DNAJC16: variants seen among roughly 807,000 people sequenced by gnomAD.
DNAJC16 encodes the protein DnaJ heat shock protein family (Hsp40) member C16.
In DNAJC16, 76 loss-of-function variants were observed where a neutral mutation model predicts 92.7. The observed-to-expected ratio is 0.82, with a 90% CI of 0.68 to 0.99. The LOEUF (loss-of-function observed/expected upper bound fraction) is 0.99, where lower values mean the gene tolerates loss of function less well. Ranked by LOEUF, DNAJC16 falls within the 50% of genes least tolerant of loss-of-function variation. DNAJC16 has a pLI of 0.00. For synonymous variants in DNAJC16, 328 were observed against 358.7 expected (o/e 0.91, Z 0.97); for missense variants, 869 against 942.4 (o/e 0.92, Z 1.02).
At position 15,564,036 on chromosome 1, in the gene DNAJC16, C is replaced by T. The variant is rs549078557; in HGVS notation, c.1446C>T (p.Leu482=). The change falls in exon 10 of 15, where the codon CTC becomes CTT. Residue 482 remains leucine (L), a synonymous_variant. Transcript: ENST00000375847. ...ACAAATTTATCCTCTTGGGCTATCT[C>T]GACCAGCTGCGTAAAGATCCAGCTC... ...ESDKFILLGY[L]DQLRKDPALL... is the part of the protein sequence containing the mutation. 30 of 1,613,674 alleles carry T rather than the reference C, an allele frequency of 1.9e-5. No individual in the cohort carries two copies. Among genetic ancestry groups the T allele is most frequent in the Non-Finnish European group, 2.4e-5 (28 of 1,179,678 alleles).
intron 2 of DNAJC16, among the ~76,000 whole-genome samples, chr1:15,530,935 A>T (rs563776550): frequency 1.3e-5 from 2 of 152,222 alleles, no homozygotes; most frequent in East Asian, 3.9e-4. Context: ...TGATCCGTCC[A>T]CCTCGGCCTC....
Position 15,564,433 on chromosome 1 carries a change from T to A in DNAJC16, c.1598+74T>A, listed in dbSNP as rs1440085148. The A allele has an allele frequency of 1.0e-5, 10 of 991,624 alleles. No individual in the cohort carries two copies. The African/African-American group carries it at 1.6e-4, about 16-fold the overall frequency. 61.4% of individuals were successfully genotyped at this position (991,624 alleles called of 1,614,324 possible). ...TCACTGTTTTTCTTTTGAAAAGAGT[T>A]CATCATTATTAAATTTCAAGGTACA... On this transcript the variant is annotated intron_variant, in intron 11 of 14. Transcript: ENST00000375847.
At chr1:15,562,114 T>C in intron 8 of DNAJC16, 28 bp from the exon 9 acceptor site, 3 of 1,603,444 alleles carry the variant, frequency 1.9e-6, no homozygotes, top group Non-Finnish European at 2.6e-6. Context: ...AGGGATTGGT[T>C]ATAAAGTTTT....
At chr1:15,539,069 G>GT (rs1710864318) in intron 4 of DNAJC16, among the ~76,000 whole-genome samples, 1 of 152,100 alleles carries the variant, frequency 6.6e-6, no homozygotes. Flanking sequence ...AGTGAGAGCT[G>GT]TTTGGCATCT....
chr1:15,568,368 GC>G lies in DNAJC16; in HGVS notation c.*193del. The G allele has an allele frequency of 1.8e-6, 1 of 558,112 alleles. No individual in the cohort carries two copies. The highest frequency in any genetic ancestry group is 2.8e-5 in the South Asian group (1 of 35,636). 34.6% of individuals were successfully genotyped at this position (558,112 alleles called of 1,614,324 possible). On this transcript the variant is annotated 3_prime_UTR_variant, in exon 15 of 15. Transcript: ENST00000375847. ...ATGAAAAACACCACCAGTTTGAATC[GC>G]CTAGATGAAAATCTTTTCCTCTGGG...
Position 15,567,784 on chromosome 1 carries a change from C to G in DNAJC16, c.1956C>G (p.Ser652Arg). 1.9e-6 allele frequency: 3 copies of G among 1,612,426 alleles called. No homozygotes were observed. The highest frequency in any genetic ancestry group is 2.5e-6 in the Non-Finnish European group (3 of 1,179,000). ...AATTCTCTTCTTCCTACAGGAGCAG[C>G]TGCCTACACTTCTCCTTCCTGAGTC... Reference protein sequence around the residue: ...ALEVYTFTGSSCLHFSFLSLD... With the variant: ...ALEVYTFTGSRCLHFSFLSLD... The change falls in exon 15 of 15, where the codon AGC (serine) becomes AGG (arginine). Residue 652 changes from serine (S) to arginine (R), a missense_variant. Transcript: ENST00000375847.
chr1:15,538,427 C>A (rs1469564809), intron 4 of DNAJC16, among the ~76,000 whole-genome samples: 1 of 151,172 alleles, frequency 6.6e-6, no homozygotes, highest in East Asian at 2.0e-4. Context: ...AAAAGGAAGA[C>A]TAATTCCTGG....
chr1:15,550,758 C>T (rs1638424790), intron 7 of DNAJC16, among the ~76,000 whole-genome samples: 1 of 152,322 alleles, frequency 6.6e-6, no homozygotes, highest in South Asian at 2.1e-4. Context: ...GGTGAAGCTG[C>T]CAGTGCCAGT....
chr1:15,540,414 G>A (rs939429391), intron 4 of DNAJC16, among the ~76,000 whole-genome samples: 1 of 152,084 alleles, frequency 6.6e-6, no homozygotes, highest in East Asian at 1.9e-4. Context: ...AGCCTCCCAC[G>A]TAGCTAGGAC....
At chr1:15,529,850 T>C (rs1710613606) in intron 2 of DNAJC16, among the ~76,000 whole-genome samples, 1 of 152,150 alleles carries the variant, frequency 6.6e-6, no homozygotes, top group Non-Finnish European at 1.5e-5. Context: ...AATAGCATAG[T>C]ATTTGCATAT....
rs914065654 is a variant in DNAJC16, at chr1:15,546,821, C to A, written c.814C>A (p.Pro272Thr). ...CTCTGGCTGGCAGCAAGAGAATAAG[C>A]CTCATGTCCTTCTGTTTGACCAAAC... ...FLSGWQQENK[P>T]HVLLFDQTPI... Residue 272 changes from proline to threonine, a missense_variant, in exon 6 of 15, where the codon CCT (proline) becomes ACT (threonine). Transcript: ENST00000375847. The A allele has an allele frequency of 1.9e-6, 3 of 1,613,860 alleles. No homozygotes were observed. In the Admixed American group the frequency reaches 5.0e-5, roughly 27 times the overall value.
intron 7 of DNAJC16, among the ~76,000 whole-genome samples, chr1:15,556,813 T>C (rs1479129093): frequency 6.6e-6 from 1 of 152,212 alleles, no homozygotes; most frequent in African/African-American, 2.4e-5. Context: ...ATAAGTGTGT[T>C]TGCAGAAGGC....
intron 5 of DNAJC16, 134 bp downstream of exon 5, chr1:15,544,717 T>A: frequency 1.2e-6 from 1 of 801,728 alleles, no homozygotes. Flanking sequence ...ACTTATTAAT[T>A]AATTAATTAC....
intron 7 of DNAJC16, among the ~76,000 whole-genome samples, chr1:15,555,566 C>G (rs749170320): frequency 6.7e-6 from 1 of 150,192 alleles, no homozygotes; most frequent in East Asian, 1.9e-4. Context: ...GCCTGTAATC[C>G]TAGCTCCTTA....
At chr1:15,555,100 G>T (rs892115561) in intron 7 of DNAJC16, among the ~76,000 whole-genome samples, 3 of 151,358 alleles carry the variant, frequency 2.0e-5, no homozygotes, top group African/African-American at 7.3e-5. Context: ...TGTAGGCCAG[G>T]CGCGGTGGCT....
Position 15,567,278 on chromosome 1 carries a change from G to T in DNAJC16, c.1949+9G>T. On this transcript the variant is annotated intron_variant, in intron 14 of 14. Coordinates refer to ENST00000375847, the MANE Select transcript of DNAJC16 (RefSeq NM_015291.4). ...GTCTACACATTTACTGGGTAAGCAT[G>T]TGTGTGTGTGCATGTATGTATGTGT... is the stretch of plus-strand genomic sequence containing the variant. 1 of 1,596,624 alleles carries T rather than the reference G, an allele frequency of 6.3e-7. No individual in the cohort carries two copies. Among genetic ancestry groups the T allele is most frequent in the Non-Finnish European group, 8.6e-7 (1 of 1,167,042 alleles).
intron 2 of DNAJC16, 95 bp from the exon 3 acceptor site, chr1:15,534,142 G>A: frequency 3.3e-6 from 4 of 1,214,428 alleles, no homozygotes; most frequent in South Asian, 1.5e-5. Flanking sequence ...ATAGCCCTCC[G>A]TCTGCCTCTG....
chr1:15,562,302 GAGGCGTTTCA>G lies in DNAJC16; in HGVS notation c.1319_1328del (p.Ala440GlyfsTer8). ...TGCCGACACCTTACTACCAGACAGTGAGGCGTTTCAAGGGAAATCAGCGGTAAGCCACAGA... is the reference window on the plus strand; with the variant it reads ...TGCCGACACCTTACTACCAGACAGTGAGGGAAATCAGCGGTAAGCCACAGA... On this transcript the variant is annotated frameshift_variant, in exon 9 of 15. Transcript: ENST00000375847. LOFTEE classifies it high-confidence loss of function. 1 of 1,613,656 alleles carries G rather than the reference GAGGCGTTTCA, an allele frequency of 6.2e-7. No homozygotes were observed. The highest frequency in any genetic ancestry group is 1.1e-5 in the South Asian group (1 of 91,026).
chr1:15,567,275 C>CATGTGTGTGTGTGCATGT lies in DNAJC16; in HGVS notation c.1949+11_1949+28dup, dbSNP rs1363146375. ...GAGGTCTACACATTTACTGGGTAAG[C>CATGTGTGTGTGTGCATGT]ATGTGTGTGTGTGCATGTATGTATG... On this transcript the variant is annotated splice_region_variant and intron_variant, in intron 14 of 14. Coordinates refer to ENST00000375847, the MANE Select transcript of DNAJC16 (RefSeq NM_015291.4). 1.8e-5 allele frequency: 29 copies of CATGTGTGTGTGTGCATGT among 1,610,590 alleles called. No homozygotes were observed. The highest frequency in any genetic ancestry group is 1.5e-4 in the African/African-American group (11 of 74,870).
Sources: allele counts gnomAD v4.1 joint callset (sites outside exome capture counted in the v4.1 genomes callset), GRCh38; gene constraint gnomAD v4.1.1; transcripts MANE v1.5; gene names NCBI Gene and HGNC (gene_info 2026-07-23, HGNC 2026-07-21).